The following NAA60 variants were observed in gnomAD, a reference collection of about 807,000 sequenced individuals.
NAA60 encodes N-alpha-acetyltransferase 60, NatF catalytic subunit.
In NAA60, 8 loss-of-function variants were observed where a neutral mutation model predicts 26.1. That is an observed-to-expected ratio of 0.31 (90% CI 0.18 to 0.55). The LOEUF (loss-of-function observed/expected upper bound fraction) is 0.55, where lower values mean the gene tolerates loss of function less well. Among genes scored for constraint, NAA60 ranks in the 20% least tolerant of loss-of-function variants. The pLI, the probability that NAA60 is intolerant of heterozygous loss-of-function variation, is 0.93. For missense variants in NAA60, 290 were observed against 311.3 expected, an observed-to-expected ratio of 0.93 and a Z score of 0.51; for synonymous variants, 131 against 122.5, an observed-to-expected ratio of 1.07 and a Z score of -0.46.
At chr16:3,445,145 C>A (rs1010315298) in intron 1 of NAA60, among the ~76,000 whole-genome samples, 1 of 152,038 alleles carries the variant, frequency 6.6e-6, no homozygotes, top group Non-Finnish European at 1.5e-5. Context: ...ACAGGCTAGA[C>A]CAGTCCAAAG....
At position 3,443,817 on chromosome 16, in the gene NAA60, A is replaced by C; in HGVS notation, c.-97A>C. The C allele has an allele frequency of 6.5e-7, 1 of 1,534,930 alleles. No homozygotes were observed. Among genetic ancestry groups the C allele is most frequent in the Non-Finnish European group, 8.7e-7 (1 of 1,146,510 alleles). On this transcript the variant is annotated 5_prime_UTR_variant, in exon 1 of 8. Coordinates refer to ENST00000407558, the MANE Select transcript of NAA60 (RefSeq NM_001083601.3). ...GAAGACTGGGAGACACCGGAACTCG[A>C]AAGAAAATCGGTAACAAAATGTGGG...
At chr16:3,457,452 A>C (rs931949456) in intron 2 of NAA60, among the ~76,000 whole-genome samples, 7 of 152,186 alleles carry the variant, frequency 4.6e-5, no homozygotes, top group Non-Finnish European at 1.0e-4. Flanking sequence ...TCAACAACAA[A>C]AACTTCGCGT....
chr16:3,485,427 G>T (rs766364207), intron 7 of NAA60, 40 bp from the exon 8 acceptor site: 14 of 460,074 alleles, frequency 3.0e-5, no homozygotes, highest in Non-Finnish European at 5.7e-5. Flanking sequence ...GAGTGTCTCC[G>T]CCGGGCCTTC....
chr16:3,445,783 G>A (rs1450681462), intron 1 of NAA60, among the ~76,000 whole-genome samples: 2 of 152,032 alleles, frequency 1.3e-5, no homozygotes, highest in African/African-American at 4.8e-5. Context: ...GAGAGAGAGG[G>A]ATATACCTGA....
chr16:3,481,950 A>G (rs2036863800), intron 4 of NAA60, among the ~76,000 whole-genome samples: 2 of 152,118 alleles, frequency 1.3e-5, no homozygotes, highest in Non-Finnish European at 2.9e-5. Context: ...TTCCATCTCT[A>G]GAACCAAGAG....
Position 3,476,351 on chromosome 16 carries a change from A to G in NAA60, c.110+14A>G. 1 of 1,607,130 alleles carries G rather than the reference A, an allele frequency of 6.2e-7. No individual in the cohort carries two copies. The highest frequency in any genetic ancestry group is 8.5e-7 in the Non-Finnish European group (1 of 1,174,458). On this transcript the variant is annotated intron_variant, in intron 3 of 7. Coordinates refer to ENST00000407558, the MANE Select transcript of NAA60 (RefSeq NM_001083601.3). ...GTTCCCCATCGAGTAAGTGGAGCGG[A>G]TTGCAGGGTTGGGGAGAGCCCGTGA...
rs917805409 is a variant in NAA60, at chr16:3,457,903, G to C, written c.-7+9363G>C. On this transcript the variant is annotated intron_variant, in intron 2 of 7. Coordinates refer to ENST00000407558, the MANE Select transcript of NAA60 (RefSeq NM_001083601.3). Reference sequence around the variant, plus strand: ...GATCCTGGGCCTGGCTTCGCACGGAGCCTGCCCGCTCCCAACCTGCCCGCT... The same window carrying C: ...GATCCTGGGCCTGGCTTCGCACGGACCCTGCCCGCTCCCAACCTGCCCGCT... 45 of 904,530 alleles carry C rather than the reference G, an allele frequency of 5.0e-5. No homozygotes were observed. In the African/African-American group the frequency reaches 7.6e-4, roughly 15 times the overall value. The allele number at this position is 904,530 out of a possible 1,614,324, so 56.0% of individuals were successfully genotyped here.
At chr16:3,444,211 A>G (rs578038026) in intron 1 of NAA60, among the ~76,000 whole-genome samples, 113 of 152,066 alleles carry the variant, frequency 7.4e-4, no homozygotes, top group Non-Finnish European at 1.2e-3. Context: ...AGAGCCAGTC[A>G]TTTCCTATTG....
chr16:3,483,512 T>A lies in NAA60; in HGVS notation c.487T>A (p.Tyr163Asn), dbSNP rs370774169. 2.5e-6 allele frequency: 4 copies of A among 1,613,890 alleles called. No individual in the cohort carries two copies. Among genetic ancestry groups the A allele is most frequent in the Non-Finnish European group, 3.4e-6 (4 of 1,179,848 alleles). ...CTTCAAGCAGCACCACTATCTCCCC[T>A]ATTACTACTCCATTCGAGGGGTCCT... Reference protein sequence around the residue: ...RDFKQHHYLPYYYSIRGVLKD... With the variant: ...RDFKQHHYLPNYYSIRGVLKD... The change falls in exon 6 of 8, where the codon TAT (tyrosine) becomes AAT (asparagine). Residue 163 changes from tyrosine (Y) to asparagine (N), a missense_variant. Physicochemically the swap from Tyr to Asn is moderately radical, Grantham distance 143. Transcript: ENST00000407558.
chr16:3,462,883 A>G (rs1180836391), intron 2 of NAA60, among the ~76,000 whole-genome samples: 1 of 152,218 alleles, frequency 6.6e-6, no homozygotes, highest in Admixed American at 6.5e-5. Flanking sequence ...CTTACTCAAG[A>G]AAAGGAAAAT....
chr16:3,454,323 C>T (rs941482981), intron 2 of NAA60, among the ~76,000 whole-genome samples: 5 of 152,112 alleles, frequency 3.3e-5, no homozygotes, highest in African/African-American at 4.8e-5. Flanking sequence ...CTGGGAGTGC[C>T]GTTAGGTGTC....
At chr16:3,484,200 T>C (rs1322465286) in intron 6 of NAA60, among the ~76,000 whole-genome samples, 1 of 152,128 alleles carries the variant, frequency 6.6e-6, no homozygotes, top group African/African-American at 2.4e-5. Flanking sequence ...TTCAAATTCA[T>C]GAGTCTAGGA....
intron 1 of NAA60, among the ~76,000 whole-genome samples, chr16:3,444,492 C>A (rs1175773348): frequency 6.6e-6 from 1 of 152,122 alleles, no homozygotes; most frequent in Non-Finnish European, 1.5e-5. Context: ...ATAGAAAAGC[C>A]TGAAAAGTCT....
At chr16:3,478,592 T>C (rs545050406) in intron 3 of NAA60, among the ~76,000 whole-genome samples, 5 of 152,360 alleles carry the variant, frequency 3.3e-5, no homozygotes, top group African/African-American at 1.2e-4. Context: ...CCTGGGCCTT[T>C]ATGCCCACTG....
intron 2 of NAA60, among the ~76,000 whole-genome samples, chr16:3,451,987 G>A (rs4386140): frequency 0.072 from 10,917 of 151,978 alleles, 522 homozygotes; most frequent in South Asian, 0.18. Context: ...AGGTAAGGTG[G>A]TCAGATCACT....
chr16:3,474,210 G>A (rs1009096584), intron 2 of NAA60, among the ~76,000 whole-genome samples: 1 of 152,220 alleles, frequency 6.6e-6, no homozygotes, highest in Non-Finnish European at 1.5e-5. Context: ...CACAAGTTAG[G>A]AGTCAGAGCA....
At chr16:3,464,179 A>G (rs986748632) in intron 2 of NAA60, among the ~76,000 whole-genome samples, 5 of 152,136 alleles carry the variant, frequency 3.3e-5, no homozygotes, top group Admixed American at 3.3e-4. Context: ...GATTACAGCC[A>G]CCATGCCTGG....
intron 2 of NAA60, among the ~76,000 whole-genome samples, chr16:3,449,392 C>T (rs978963007): frequency 2.0e-5 from 3 of 152,054 alleles, no homozygotes; most frequent in African/African-American, 4.8e-5. Context: ...GTGGTGGGCA[C>T]CTGTAGTCCC....
At chr16:3,450,368 T>C (rs2034727644) in intron 2 of NAA60, among the ~76,000 whole-genome samples, 1 of 151,968 alleles carries the variant, frequency 6.6e-6, no homozygotes, top group Non-Finnish European at 1.5e-5. Flanking sequence ...GGAAGGCTGG[T>C]TTTGGAAGCT....
Sources: gnomAD v4.1 joint callset for allele counts (sites outside exome capture counted in the v4.1 genomes callset) on GRCh38, gnomAD v4.1.1 for gene constraint, MANE v1.5 for transcripts, NCBI Gene and HGNC (gene_info 2026-07-23, HGNC 2026-07-21) for gene names.